Variants in TSC1 observed in about 807,000 individuals in gnomAD.
TSC1 encodes hamartin.
In TSC1, 20 loss-of-function variants were observed where a neutral mutation model predicts 124.3. The ratio of observed to expected loss-of-function variants is 0.16; its 90% CI spans 0.11 to 0.23. The LOEUF is 0.23. Ranked by LOEUF, TSC1 falls within the 10% of genes least tolerant of loss-of-function variation. The pLI, the probability that TSC1 is intolerant of heterozygous loss-of-function variation, is 1.00. For missense variants in TSC1, 1,124 were observed against 1,448.5 expected, an observed-to-expected ratio of 0.78 and a Z score of 3.64; for synonymous variants, 493 against 539.1, an observed-to-expected ratio of 0.91 and a Z score of 1.19.
chr9:132,923,283 G>A lies in TSC1; in HGVS notation c.508+65C>T, dbSNP rs1846663939. 1.9e-6 allele frequency: 3 copies of A among 1,596,310 alleles called. No homozygotes were observed. The highest frequency in any genetic ancestry group is 2.6e-6 in the Non-Finnish European group (3 of 1,169,424). ...CATGTCCATTCCTTACAGCATATGAGCAATTAATCAATAATGAAAGCATTC... is the reference window on the plus strand; with the variant it reads ...CATGTCCATTCCTTACAGCATATGAACAATTAATCAATAATGAAAGCATTC... On this transcript the variant is annotated intron_variant, in intron 6 of 22. Coordinates refer to ENST00000298552, the MANE Select transcript of TSC1 (RefSeq NM_000368.5). The surrounding 1 kb of genome is among the most constrained non-coding windows in gnomAD (Gnocchi z 4.2).
chr9:132,916,478 C>T (rs937615157), intron 8 of TSC1, among the ~76,000 whole-genome samples: 2 of 151,956 alleles, frequency 1.3e-5, no homozygotes, highest in Admixed American at 1.3e-4. Flanking sequence ...ATATCCTTTC[C>T]CTCCTCCTCA....
At position 132,921,206 on chromosome 9, in the gene TSC1, A is replaced by G. The variant is rs1846529861; in HGVS notation, c.737+157T>C. On this transcript the variant is annotated intron_variant, in intron 8 of 22. Coordinates refer to ENST00000298552, the MANE Select transcript of TSC1 (RefSeq NM_000368.5). The surrounding 1 kb of genome is among the most constrained non-coding windows in gnomAD (Gnocchi z 4.3). ...TCCGCCTGTGAAGAGTATGTTTTAA[A>G]CTCACACAAATTTTAGCTGTATGAG... Among the ~76,000 whole-genome samples, 1 of 152,010 alleles carries G rather than the reference A, an allele frequency of 6.6e-6. No individual in the cohort carries two copies. Among genetic ancestry groups the G allele is most frequent in the Non-Finnish European group, 1.5e-5 (1 of 68,016 alleles).
intron 1 of TSC1, among the ~76,000 whole-genome samples, chr9:132,937,192 C>T (rs1847498343): frequency 6.6e-6 from 1 of 152,220 alleles, no homozygotes; most frequent in South Asian, 2.1e-4. Flanking sequence ...GCCTGTAATC[C>T]CAGCACTTTG....
In TSC1 at chr9:132,937,181, C is replaced by T. The variant is rs11243937; in HGVS notation, c.-143-2086G>A. Among the ~76,000 whole-genome samples, 3 of 152,100 alleles carry T rather than the reference C, an allele frequency of 2.0e-5. No individual in the cohort carries two copies. In the South Asian group the frequency reaches 6.2e-4, roughly 31 times the overall value. ...AGCCCAGGCCAGGTGTGGTGGCTCACGCCTGTAATCCCAGCACTTTGGGAG... is the reference window on the plus strand; with the variant it reads ...AGCCCAGGCCAGGTGTGGTGGCTCATGCCTGTAATCCCAGCACTTTGGGAG... On this transcript the variant is annotated intron_variant, in intron 1 of 22. Transcript: ENST00000298552.
intron 15 of TSC1, among the ~76,000 whole-genome samples, chr9:132,905,340 A>G (rs939126035): frequency 1.3e-5 from 2 of 152,224 alleles, no homozygotes; most frequent in African/African-American, 4.8e-5. Context: ...AAAATGGCCT[A>G]TATAAAAAGA....
At position 132,891,473 on chromosome 9, in the gene TSC1, C is replaced by G. The variant is rs1351185543; in HGVS notation, c.*4762G>C. ...CCAATTCCCATTCACTAAGATTGTA[C>G]CATTTTATCCTGCAGTTCATATTTA... On this transcript the variant is annotated 3_prime_UTR_variant, in exon 23 of 23. Coordinates refer to ENST00000298552, the MANE Select transcript of TSC1 (RefSeq NM_000368.5). The G allele has an allele frequency of 4.3e-6, 1 of 233,402 alleles. No individual in the cohort carries two copies. Among genetic ancestry groups the G allele is most frequent in the Non-Finnish European group, 8.5e-6 (1 of 117,976 alleles). The allele number at this position is 233,402 out of a possible 1,614,324, so 14.5% of individuals were successfully genotyped here.
intron 4 of TSC1, 50 bp from the exon 5 acceptor site, chr9:132,925,789 A>T: frequency 6.2e-7 from 1 of 1,606,784 alleles, no homozygotes; most frequent in Non-Finnish European, 8.5e-7. Context: ...GTATGAAGTT[A>T]ACACAAATAA....
chr9:132,896,701 T>C lies in TSC1; in HGVS notation c.3029A>G (p.Glu1010Gly), dbSNP rs1267230279. 4.3e-6 allele frequency: 7 copies of C among 1,614,006 alleles called. No individual in the cohort carries two copies. The East Asian group carries it at 1.6e-4, about 36-fold the overall frequency. The change falls in exon 23 of 23, where the codon GAG (glutamate) becomes GGG (glycine). Residue 1010 changes from glutamate (E) to glycine (G), a missense_variant. Physicochemically the swap from Glu to Gly is moderately conservative, Grantham distance 98 (BLOSUM62 -2). Transcript: ENST00000298552. The surrounding 1 kb of genome is among the most constrained non-coding windows in gnomAD (Gnocchi z 4.5). ...GGTCTCACCGTTGTGGCCAGATGCC[T>C]CTTCATTGTGCCCTACCATGGAATC... ...CSDSMVGHNEEASGHNGETKT... is the reference protein window; with the variant it reads ...CSDSMVGHNEGASGHNGETKT...
rs1286203166 is a variant in TSC1 at position 132,906,139 on chromosome 9, G to A, written c.1439C>T (p.Ala480Val). ...EDSIEKDKEEAAISRELSEIT... is the reference protein window; with the variant it reads ...EDSIEKDKEEVAISRELSEIT... ...CTCAGAAAGTTCTCTAGATATTGCA[G>A]CTGAGAGGAAGAGAGGAAACAAAAG... Residue 480 changes from alanine (A) to valine (V), a missense_variant and splice_region_variant, in exon 15 of 23, where the codon GCT becomes GTT. Ala to Val is a moderately conservative substitution (Grantham distance 64). Around this residue, in one of 5 missense-constraint regions of TSC1, gnomAD observed 463 missense variants for 606.8 expected, o/e 0.76. Coordinates refer to ENST00000298552, the MANE Select transcript of TSC1 (RefSeq NM_000368.5). The surrounding 1 kb of genome is among the most constrained non-coding windows in gnomAD (Gnocchi z 4.1). 1 of 1,612,246 alleles carries A rather than the reference G, an allele frequency of 6.2e-7. No individual in the cohort carries two copies. Among genetic ancestry groups the A allele is most frequent in the Non-Finnish European group, 8.5e-7 (1 of 1,179,698 alleles).
At position 132,911,551 on chromosome 9, in the gene TSC1, G is replaced by T. The variant is rs1332186256; in HGVS notation, c.931C>A (p.Pro311Thr). 5 of 1,603,434 alleles carry T rather than the reference G, an allele frequency of 3.1e-6. No individual in the cohort carries two copies. The East Asian group carries it at 1.1e-4, about 36-fold the overall frequency. ...QNSYGCATST[P>T]YSTSRLMLLN... ...AACATCAGCCGAGACGTGGAGTAAG[G>T]GGTAGAAGTAGCACACCCTAAAATG... The change falls in exon 10 of 23, where the codon CCT (proline) becomes ACT (threonine). Residue 311 changes from proline (P) to threonine (T), a missense_variant. By Grantham distance (38) the Pro-to-Thr change is conservative. Around this residue, in one of 5 missense-constraint regions of TSC1, gnomAD observed 463 missense variants for 606.8 expected, o/e 0.76. Transcript: ENST00000298552.
chr9:132,928,897 G>A lies in TSC1; in HGVS notation c.-25C>T. The A allele has an allele frequency of 6.2e-7, 1 of 1,613,680 alleles. No homozygotes were observed. Among genetic ancestry groups the A allele is most frequent in the Non-Finnish European group, 8.5e-7 (1 of 1,179,964 alleles). ...TTCTCTCGCTCGAAGGCGCTGTGCT[G>A]GCTCCAGGACGTGTGCTACAGGTTC... is the stretch of plus-strand genomic sequence containing the variant. On this transcript the variant is annotated 5_prime_UTR_variant, in exon 3 of 23. Coordinates refer to ENST00000298552, the MANE Select transcript of TSC1 (RefSeq NM_000368.5).
intron 1 of TSC1, among the ~76,000 whole-genome samples, chr9:132,936,789 G>A (rs1178782850): frequency 6.6e-6 from 1 of 152,138 alleles, no homozygotes; most frequent in Non-Finnish European, 1.5e-5. Context: ...TTCTTTGGCA[G>A]CCATTCCAGA....
rs1266074884 is a variant in TSC1 at position 132,895,058 on chromosome 9, G to A, written c.*1177C>T. The A allele has an allele frequency of 8.6e-6, 2 of 232,698 alleles. No individual in the cohort carries two copies. Among genetic ancestry groups the A allele is most frequent in the Non-Finnish European group, 1.7e-5 (2 of 117,536 alleles). 14.4% of individuals were successfully genotyped at this position (232,698 alleles called of 1,614,324 possible). ...CATTCTCCCGGACTCTGTTTAGACTGCTCTGCCATTACTAACATGGAGAGT... is the reference window on the plus strand; with the variant it reads ...CATTCTCCCGGACTCTGTTTAGACTACTCTGCCATTACTAACATGGAGAGT... On this transcript the variant is annotated 3_prime_UTR_variant, in exon 23 of 23. Coordinates refer to ENST00000298552, the MANE Select transcript of TSC1 (RefSeq NM_000368.5).
chr9:132,927,423 G>A (rs2132274073), intron 3 of TSC1, 119 bp from the exon 4 acceptor site: 2 of 904,714 alleles, frequency 2.2e-6, no homozygotes, highest in Non-Finnish European at 3.5e-6. Flanking sequence ...TCTAAGTTTT[G>A]TGCAGCATTA....
Position 132,896,427 on chromosome 9 carries a change from C to A in TSC1, c.3303G>T (p.Glu1101Asp), listed in dbSNP as rs118203751. ...TCATGCCGTCCTCATCACACTGGCT[C>A]TCGCTCTTATTACGAAATAACTCTC... ...KARELFRNKS[E>D]SQCDEDGMTS... is the part of the protein sequence containing the mutation. Residue 1101 changes from glutamate to aspartate, a missense_variant, in exon 23 of 23, where the codon GAG becomes GAT. Transcript: ENST00000298552. This position sits in a 1 kb window ranked among gnomAD's most constrained non-coding sequence, Gnocchi z 4.5. 6.2e-7 allele frequency: 1 copy of A among 1,614,110 alleles called. No homozygotes were observed. The highest frequency in any genetic ancestry group is 1.3e-5 in the African/African-American group (1 of 74,922).
In TSC1 at chr9:132,906,960, ATGGCTC is replaced by A. The variant is rs1214086053; in HGVS notation, c.1334-131_1334-126del. 14 of 806,970 alleles carry A rather than the reference ATGGCTC, an allele frequency of 1.7e-5. No homozygotes were observed. In the Admixed American group the frequency reaches 2.0e-4, roughly 12 times the overall value. 50.0% of individuals were successfully genotyped at this position (806,970 alleles called of 1,614,324 possible). A position where few individuals can be genotyped will look rare whatever the true frequency, so the allele number is the denominator to read the frequency against. ...TCATGCTGAACAGAGAAGGCTGGAC[ATGGCTC>A]TGTCCTGGGGATACTACAAAAGACT... is the stretch of plus-strand genomic sequence containing the variant. On this transcript the variant is annotated intron_variant, in intron 13 of 22. Transcript: ENST00000298552. The surrounding 1 kb of genome is among the most constrained non-coding windows in gnomAD (Gnocchi z 4.1).
chr9:132,942,675 C>G (rs959170627), intron 1 of TSC1, among the ~76,000 whole-genome samples: 3 of 152,202 alleles, frequency 2.0e-5, no homozygotes, highest in Non-Finnish European at 4.4e-5. Context: ...AGGAACGTAC[C>G]AAGTGTTTAT....
Position 132,897,657 on chromosome 9 carries a change from T to C in TSC1, c.2626-47A>G, listed in dbSNP as rs201841795. On this transcript the variant is annotated intron_variant, in intron 20 of 22. Transcript: ENST00000298552. ...GACTGGAATTAGTACTTATAAAAAA[T>C]AAACATGCTGTATCCATTTTGAAAA... 423 of 1,532,434 alleles carry C rather than the reference T, an allele frequency of 2.8e-4. 2 individuals carry two copies. In the African/African-American group the frequency reaches 5.2e-3, roughly 19 times the overall value. The allele number at this position is 1,532,434 out of a possible 1,614,324, so 94.9% of individuals were successfully genotyped here.
intron 16 of TSC1, 110 bp downstream of exon 16, chr9:132,904,301 T>C: frequency 8.3e-7 from 1 of 1,209,360 alleles, no homozygotes; most frequent in Non-Finnish European, 1.2e-6. Flanking sequence ...GCCGGAGCAA[T>C]AGCCAAGGGG....
Sources: allele counts gnomAD v4.1 joint callset (sites outside exome capture counted in the v4.1 genomes callset), GRCh38; gene constraint gnomAD v4.1.1; regional missense constraint gnomAD v4.1.1; non-coding constraint Gnocchi (gnomAD v3.1); transcripts MANE v1.5; gene names NCBI Gene and HGNC (gene_info 2026-07-23, HGNC 2026-07-21).